The following MICALL1 variants were observed in gnomAD, a reference collection of about 807,000 sequenced individuals.
MICALL1 encodes the protein MICAL like 1.
In MICALL1, 61 loss-of-function variants were observed where a neutral mutation model predicts 83.7. The observed-to-expected ratio is 0.73, with a 90% CI of 0.59 to 0.90. The LOEUF (loss-of-function observed/expected upper bound fraction) is 0.90. Ranked by LOEUF, MICALL1 falls within the 40% of genes least tolerant of loss-of-function variation. The pLI, the probability that MICALL1 is intolerant of heterozygous loss-of-function variation, is 0.00. For missense variants in MICALL1, 1,066 were observed against 1,152.0 expected, an observed-to-expected ratio of 0.93 and a Z score of 1.08; for synonymous variants, 481 against 473.6, an observed-to-expected ratio of 1.02 and a Z score of -0.20.
chr22:37,920,458 C>G (rs1354720086), intron 5 of MICALL1, among the ~76,000 whole-genome samples: 1 of 151,784 alleles, frequency 6.6e-6, no homozygotes, highest in African/African-American at 2.4e-5. Context: ...ATCTGGCTAC[C>G]AGGGCAGTGT....
Position 37,927,692 on chromosome 22 carries a change from C to A in MICALL1, c.1747C>A (p.Pro583Thr). The change falls in exon 9 of 16, where the codon CCC becomes ACC. Residue 583 changes from proline to threonine, a missense_variant. By Grantham distance (38) the Pro-to-Thr change is conservative (BLOSUM62 -1). Transcript: ENST00000215957. ...GCCTCAAGCCAGCCCTGGCCTTGCCCCCAGGACCAGGGGCAGCTCAGGTCC... is the reference window on the plus strand; with the variant it reads ...GCCTCAAGCCAGCCCTGGCCTTGCCACCAGGACCAGGGGCAGCTCAGGTCC... ...QMPQASPGLA[P>T]RTRGSSGPQP... 6.2e-7 allele frequency: 1 copy of A among 1,614,162 alleles called. No individual in the cohort carries two copies. The highest frequency in any genetic ancestry group is 1.1e-5 in the South Asian group (1 of 91,082).
chr22:37,906,733 C>T lies in MICALL1; in HGVS notation c.146+165C>T. The T allele has an allele frequency of 2.1e-6, 1 of 473,950 alleles. No individual in the cohort carries two copies. The allele number at this position is 473,950 out of a possible 1,614,324, so 29.4% of individuals were successfully genotyped here. On this transcript the variant is annotated intron_variant, in intron 1 of 15. Transcript: ENST00000215957. This position sits in a 1 kb window ranked among gnomAD's most constrained non-coding sequence, Gnocchi z 4.4. ...GGACGCCGGGCGGGTCCCTGAGACC[C>T]CGGCCCAGGGCGCCCCTCCCCCGCC...
rs1352442162 is a variant in MICALL1, at chr22:37,930,510, AG to A, written c.1882-1286del. Among the ~76,000 whole-genome samples, 1 of 152,190 alleles carries A rather than the reference AG, an allele frequency of 6.6e-6. No homozygotes were observed. The highest frequency in any genetic ancestry group is 1.5e-5 in the Non-Finnish European group (1 of 68,018). ...GCCTCCACCTGCTCCGCAGCTGCCG[AG>A]GGAAAGCTGGGTCAGTGCTTCTTGG... On this transcript the variant is annotated intron_variant, in intron 9 of 15. Transcript: ENST00000215957. This position sits in a 1 kb window ranked among gnomAD's most constrained non-coding sequence, Gnocchi z 4.8.
At chr22:37,923,818 T>C (rs539272744) in intron 6 of MICALL1, among the ~76,000 whole-genome samples, 1 of 152,304 alleles carries the variant, frequency 6.6e-6, no homozygotes, top group South Asian at 2.1e-4. Context: ...GTGACCTCCA[T>C]GCCCAGCCTC....
At chr22:37,917,830 G>T in intron 4 of MICALL1, 35 bp downstream of exon 4, 1 of 1,584,600 alleles carries the variant, frequency 6.3e-7, no homozygotes, top group South Asian at 1.1e-5. Flanking sequence ...GAGGGCCAGG[G>T]GTGGAGGGGG....
rs1357780794 is a variant in MICALL1 at position 37,906,687 on chromosome 22, GCCGACC to G, written c.146+122_146+127del. 1 of 946,164 alleles carries G rather than the reference GCCGACC, an allele frequency of 1.1e-6. No individual in the cohort carries two copies. Among genetic ancestry groups the G allele is most frequent in the Non-Finnish European group, 1.3e-6 (1 of 761,340 alleles). 58.6% of individuals were successfully genotyped at this position (946,164 alleles called of 1,614,324 possible). A position where few individuals can be genotyped will look rare whatever the true frequency, so the allele number is the denominator to read the frequency against. ...AGGCGCCGCCCCCGGACACGGAGACGCCGACCCCCCCGACGGCCCCGGACGCCGGGC... is the reference window on the plus strand; with the variant it reads ...AGGCGCCGCCCCCGGACACGGAGACGCCCCCGACGGCCCCGGACGCCGGGC... On this transcript the variant is annotated intron_variant, in intron 1 of 15. Coordinates refer to ENST00000215957, the MANE Select transcript of MICALL1 (RefSeq NM_033386.4). This position sits in a 1 kb window ranked among gnomAD's most constrained non-coding sequence, Gnocchi z 4.4.
chr22:37,911,886 T>C, intron 1 of MICALL1, 66 bp from the exon 2 acceptor site: 2 of 1,526,184 alleles, frequency 1.3e-6, no homozygotes, highest in Non-Finnish European at 1.8e-6. Flanking sequence ...TTTCTGACTC[T>C]GACCCCGCCC....
chr22:37,912,200 T>C, intron 2 of MICALL1, 151 bp from the exon 3 acceptor site: 1 of 1,122,076 alleles, frequency 8.9e-7, no homozygotes. Context: ...CAGGCCATCC[T>C]GTGGTGCTTG....
At position 37,933,104 on chromosome 22, in the gene MICALL1, A is replaced by G; in HGVS notation, c.2300A>G (p.Asn767Ser). 6.2e-7 allele frequency: 1 copy of G among 1,613,780 alleles called. No individual in the cohort carries two copies. The change falls in exon 13 of 16, where the codon AAT becomes AGT. Residue 767 changes from asparagine to serine, a missense_variant. Coordinates refer to ENST00000215957, the MANE Select transcript of MICALL1 (RefSeq NM_033386.4). The part of the protein sequence containing the change: ...DVEYELRCLL[N>S]KPEKDWTEED... ...GAGTATGAGCTCCGGTGCCTCCTCAATAAGCCAGGTGAGTGCAGCCACTGG... is the reference window on the plus strand; with the variant it reads ...GAGTATGAGCTCCGGTGCCTCCTCAGTAAGCCAGGTGAGTGCAGCCACTGG...
intron 5 of MICALL1, among the ~76,000 whole-genome samples, chr22:37,920,110 C>T (rs1172517834): frequency 6.6e-6 from 1 of 152,036 alleles, no homozygotes; most frequent in Admixed American, 6.6e-5. Context: ...CAGGCATGTG[C>T]TACCATGTTC....
rs1452615743 is a variant in MICALL1 at position 37,939,610 on chromosome 22, C to G, written c.2471-1099C>G. Among the ~76,000 whole-genome samples the G allele has an allele frequency of 2.6e-5, 4 of 151,682 alleles. No homozygotes were observed. In the East Asian group the frequency reaches 7.8e-4, roughly 29 times the overall value. ...CCAGCATGGTGAAACCCTGTCTCTACTAAAAATACAAAAATTAGCCGCGCA... is the reference window on the plus strand; with the variant it reads ...CCAGCATGGTGAAACCCTGTCTCTAGTAAAAATACAAAAATTAGCCGCGCA... On this transcript the variant is annotated intron_variant, in intron 15 of 15. Coordinates refer to ENST00000215957, the MANE Select transcript of MICALL1 (RefSeq NM_033386.4).
chr22:37,922,223 C>G lies in MICALL1; in HGVS notation c.821C>G (p.Pro274Arg). The G allele has an allele frequency of 6.2e-7, 1 of 1,609,408 alleles. No individual in the cohort carries two copies. Among genetic ancestry groups the G allele is most frequent in the Non-Finnish European group, 8.5e-7 (1 of 1,178,566 alleles). Residue 274 changes from proline to arginine, a missense_variant, in exon 6 of 16, where the codon CCT becomes CGT. Transcript: ENST00000215957. The part of the protein sequence containing the change: ...GAEADGPKAS[P>R]EARPQIPTKP... The stretch of plus-strand genomic sequence containing the variant: ...GAGGCCGATGGACCCAAGGCCAGCC[C>G]TGAGGCCCGGCCGCAGATCCCTACC...
rs1172629276 is a variant in MICALL1, at chr22:37,930,554, G to A, written c.1882-1245G>A. ...CTTCTTGGAGCATCCCAGGTCTCAG[G>A]TGAGGCCTCTGTAAGGGGCTCGCAG... is the stretch of plus-strand genomic sequence containing the variant. On this transcript the variant is annotated intron_variant, in intron 9 of 15. Coordinates refer to ENST00000215957, the MANE Select transcript of MICALL1 (RefSeq NM_033386.4). The surrounding 1 kb of genome is among the most constrained non-coding windows in gnomAD (Gnocchi z 4.8). 6.6e-6 allele frequency among the ~76,000 whole-genome samples: 1 copy of A among 152,236 alleles called. No homozygotes were observed. The highest frequency in any genetic ancestry group is 2.4e-5 in the African/African-American group (1 of 41,462).
intron 5 of MICALL1, among the ~76,000 whole-genome samples, chr22:37,921,466 G>A (rs1252011610): frequency 3.9e-5 from 6 of 152,118 alleles, no homozygotes; most frequent in African/African-American, 1.4e-4. Context: ...CCAGCCACTC[G>A]GAAGGCTGAG....
chr22:37,916,077 C>G, intron 3 of MICALL1, among the ~76,000 whole-genome samples: 1 of 145,444 alleles, frequency 6.9e-6, no homozygotes, highest in Non-Finnish European at 1.5e-5. Flanking sequence ...GAGCTCATCT[C>G]TGGGACTCTG....
intron 6 of MICALL1, 151 bp downstream of exon 6, chr22:37,922,577 T>TTATTTATATATATATA (rs1555924359): frequency 8.7e-6 from 1 of 115,148 alleles, no homozygotes; most frequent in African/African-American, 7.3e-5. Context: ...TTTGAGGTTA[T>TTATTTATATATATATA]TATATATATA....
intron 9 of MICALL1, among the ~76,000 whole-genome samples, chr22:37,931,353 GC>G (rs1184011643): frequency 6.6e-6 from 1 of 151,902 alleles, no homozygotes; most frequent in Non-Finnish European, 1.5e-5. Context: ...ACCAGCCTGG[GC>G]AACAAAGTGA....
rs573220658 is a variant in MICALL1, at chr22:37,911,925, C to T, written c.147-27C>T. On this transcript the variant is annotated intron_variant, in intron 1 of 15. Transcript: ENST00000215957. ...TTTCCCAGTCACCTCCCCTCTTGAC[C>T]AACCCTCCTCCCTTTGCCTCTTGCA... The T allele has an allele frequency of 7.2e-5, 116 of 1,614,010 alleles. 1 individual carries two copies. The South Asian group carries it at 1.1e-3, about 16-fold the overall frequency.
In MICALL1 at chr22:37,941,596, CAGGT is replaced by C. The variant is rs770179924; in HGVS notation, c.*770_*773del. ...GGCTGCAGTTCTGGTCCCTGGTTGT[CAGGT>C]AGGAAGGGTGCACTTGAAGCAGGTG... On this transcript the variant is annotated 3_prime_UTR_variant, in exon 16 of 16. Transcript: ENST00000215957. 1.3e-5 allele frequency: 2 copies of C among 152,342 alleles called. No individual in the cohort carries two copies. Among genetic ancestry groups the C allele is most frequent in the Admixed American group, 6.5e-5 (1 of 15,270 alleles). 9.4% of individuals were successfully genotyped at this position (152,342 alleles called of 1,614,324 possible). A position where few individuals can be genotyped will look rare whatever the true frequency, so the allele number is the denominator to read the frequency against.
Sources: allele counts gnomAD v4.1 joint callset (sites outside exome capture counted in the v4.1 genomes callset), GRCh38; gene constraint gnomAD v4.1.1; non-coding constraint Gnocchi (gnomAD v3.1); transcripts MANE v1.5; gene names NCBI Gene and HGNC (gene_info 2026-07-23, HGNC 2026-07-21).